DMRTC2: variants seen among roughly 807,000 people sequenced by gnomAD.
DMRTC2 encodes the protein doublesex- and mab-3-related transcription factor C2.
A neutral mutation model predicts 39.9 loss-of-function variants in DMRTC2; 13 were observed. That is an observed-to-expected ratio of 0.33 (90% CI 0.21 to 0.52). The LOEUF (loss-of-function observed/expected upper bound fraction) is 0.52, where lower values mean the gene tolerates loss of function less well. Among genes scored for constraint, DMRTC2 ranks in the 20% least tolerant of loss-of-function variants. DMRTC2 has a pLI of 0.96. For missense variants in DMRTC2, 431 were observed against 472.8 expected (o/e 0.91, Z 0.82); for synonymous variants, 189 against 185.2 (o/e 1.02, Z -0.17).
At chr19:41,845,203 G>T (rs1210788857) in intron 1 of DMRTC2, 102 bp downstream of exon 1, 3 of 151,558 alleles carry the variant, frequency 2.0e-5, no homozygotes, top group Non-Finnish European at 4.4e-5. Context: ...CCTCCCCCTC[G>T]CGCCCCTCCC....
chr19:41,848,465 C>A lies in DMRTC2; in HGVS notation c.384C>A (p.Asn128Lys). Residue 128 changes from asparagine to lysine, a missense_variant, in exon 4 of 9, where the codon AAC (asparagine) becomes AAA (lysine). Coordinates refer to ENST00000269945, the MANE Select transcript of DMRTC2 (RefSeq NM_001040283.3). ...TQPQVPSGKE[N>K]IAPQPQTPHG... ...GGTCCTTCACAGCTGGAAAGGAGAA[C>A]ATAGCACCCCAGCCTCAGACCCCCC... 6.2e-7 allele frequency: 1 copy of A among 1,604,266 alleles called. No individual in the cohort carries two copies. The highest frequency in any genetic ancestry group is 8.5e-7 in the Non-Finnish European group (1 of 1,175,494).
chr19:41,845,355 G>A (rs1361767586), intron 1 of DMRTC2: 1 of 152,288 alleles, frequency 6.6e-6, no homozygotes, highest in African/African-American at 2.4e-5. Context: ...GGAGCAGGAA[G>A]CGCTGGACAC....
intron 4 of DMRTC2, 23 bp from the exon 5 acceptor site, chr19:41,848,772 G>A (rs957572828): frequency 1.9e-6 from 3 of 1,606,574 alleles, no homozygotes; most frequent in African/African-American, 2.7e-5. Context: ...CCCAACTCCA[G>A]CCTGTGCCCT....
In DMRTC2 at chr19:41,851,802, T is replaced by A; in HGVS notation, c.*106T>A. 1 of 1,016,162 alleles carries A rather than the reference T, an allele frequency of 9.8e-7. No homozygotes were observed. The highest frequency in any genetic ancestry group is 1.5e-6 in the Non-Finnish European group (1 of 684,724). The allele number at this position is 1,016,162 out of a possible 1,614,324, so 62.9% of individuals were successfully genotyped here. On this transcript the variant is annotated 3_prime_UTR_variant, in exon 9 of 9. Coordinates refer to ENST00000269945, the MANE Select transcript of DMRTC2 (RefSeq NM_001040283.3). ...GATTTATGCATGGAATTTAATGTAG[T>A]ACAAGCTTCGGGCTTTTTTGTTTGT...
intron 8 of DMRTC2, 189 bp downstream of exon 8, chr19:41,850,889 G>T: frequency 1.8e-6 from 1 of 545,232 alleles, no homozygotes; most frequent in Non-Finnish European, 3.0e-6. Context: ...TTATCAGTTT[G>T]GCACTCGACA....
rs533842344 is a variant in DMRTC2 at position 41,851,818 on chromosome 19, TTTTGTTTG to T, written c.*142_*149del. On this transcript the variant is annotated 3_prime_UTR_variant, in exon 9 of 9. Coordinates refer to ENST00000269945, the MANE Select transcript of DMRTC2 (RefSeq NM_001040283.3). ...TTAATGTAGTACAAGCTTCGGGCTT[TTTTGTTTG>T]TTTGTTTGTTTGTTTGTTTAAGCTT... 1.1e-3 allele frequency: 898 copies of T among 853,442 alleles called. 2 individuals carry two copies. The highest frequency in any genetic ancestry group is 1.1e-3 in the African/African-American group (57 of 50,350). The allele number at this position is 853,442 out of a possible 1,614,324, so 52.9% of individuals were successfully genotyped here. A position where few individuals can be genotyped will look rare whatever the true frequency, so the allele number is the denominator to read the frequency against.
chr19:41,851,665 G>A lies in DMRTC2; in HGVS notation c.1073G>A (p.Gly358Asp). The change falls in exon 9 of 9, where the codon GGC (glycine) becomes GAC (aspartate). Residue 358 changes from glycine to aspartate, a missense_variant. By Grantham distance (94) the Gly-to-Asp change is moderately conservative. Coordinates refer to ENST00000269945, the MANE Select transcript of DMRTC2 (RefSeq NM_001040283.3). ...GCCCCCTCTGTTGCTCTGCATATTG[G>A]CCGTCTGGGGTCCATCTCCCTCCTG... ...SPAPSVALHI[G>D]RLGSISLLS 1 of 1,614,178 alleles carries A rather than the reference G, an allele frequency of 6.2e-7. No homozygotes were observed. The highest frequency in any genetic ancestry group is 8.5e-7 in the Non-Finnish European group (1 of 1,180,030).
Position 41,848,121 on chromosome 19 carries a change from G to T in DMRTC2, c.370+240G>T, listed in dbSNP as rs1008774208. ...CGAGCACTTTGGGAGGCTGAGGCAG[G>T]CAGACCACGAGGTCAAGAGATCGAG... On this transcript the variant is annotated intron_variant, in intron 3 of 8. Transcript: ENST00000269945. Among the ~76,000 whole-genome samples, 4 of 152,326 alleles carry T rather than the reference G, an allele frequency of 2.6e-5. No homozygotes were observed. The East Asian group carries it at 7.7e-4, about 29-fold the overall frequency.
chr19:41,845,660 C>G (rs1038232266), intron 1 of DMRTC2, among the ~76,000 whole-genome samples: 2 of 152,146 alleles, frequency 1.3e-5, no homozygotes, highest in Non-Finnish European at 2.9e-5. Flanking sequence ...AACCCCATCT[C>G]TACTAAAAAT....
Position 41,848,476 on chromosome 19 carries a change from A to C in DMRTC2, c.395A>C (p.Gln132Pro). 1 of 1,605,504 alleles carries C rather than the reference A, an allele frequency of 6.2e-7. No homozygotes were observed. Among genetic ancestry groups the C allele is most frequent in the Non-Finnish European group, 8.5e-7 (1 of 1,176,040 alleles). ...GCTGGAAAGGAGAACATAGCACCCC[A>C]GCCTCAGACCCCCCATGGGGCAGTC... is the stretch of plus-strand genomic sequence containing the variant. ...VPSGKENIAP[Q>P]PQTPHGAVLL... Residue 132 changes from glutamine to proline, a missense_variant, in exon 4 of 9, where the codon CAG (glutamine) becomes CCG (proline). Physicochemically the swap from Gln to Pro is moderately conservative, Grantham distance 76 (BLOSUM62 -1). Coordinates refer to ENST00000269945, the MANE Select transcript of DMRTC2 (RefSeq NM_001040283.3).
chr19:41,851,724 A>G lies in DMRTC2; in HGVS notation c.*28A>G, dbSNP rs782046286. 5 of 1,601,598 alleles carry G rather than the reference A, an allele frequency of 3.1e-6. No individual in the cohort carries two copies. Among genetic ancestry groups the G allele is most frequent in the African/African-American group, 1.3e-5 (1 of 74,754 alleles). Reference sequence around the variant, plus strand: ...ACCCAGAGATGGAGGCTGTCTTGCTATGGCAGGGAGGTGACAGCCTGCTGG... The same window carrying G: ...ACCCAGAGATGGAGGCTGTCTTGCTGTGGCAGGGAGGTGACAGCCTGCTGG... On this transcript the variant is annotated 3_prime_UTR_variant, in exon 9 of 9. Transcript: ENST00000269945.
intron 1 of DMRTC2, among the ~76,000 whole-genome samples, chr19:41,846,471 G>A (rs2073849051): frequency 6.6e-6 from 1 of 152,122 alleles, no homozygotes; most frequent in South Asian, 2.1e-4. Context: ...ACTGTGGGAG[G>A]CCAAGGCAGG....
intron 1 of DMRTC2, among the ~76,000 whole-genome samples, chr19:41,846,012 TAAAA>T (rs11308214): frequency 1.4e-5 from 2 of 144,026 alleles, no homozygotes; most frequent in Admixed American, 6.9e-5. Context: ...ACCCTGTCAA[TAAAA>T]AAAAAAAGAA....
At chr19:41,848,217 A>C (rs971605838) in intron 3 of DMRTC2, among the ~76,000 whole-genome samples, 1 of 152,072 alleles carries the variant, frequency 6.6e-6, no homozygotes, top group Non-Finnish European at 1.5e-5. Context: ...TTGGTGGCGC[A>C]TGCCTGTAGT....
chr19:41,850,497 C>T, intron 7 of DMRTC2, 29 bp from the exon 8 acceptor site: 1 of 1,592,680 alleles, frequency 6.3e-7, no homozygotes, highest in Non-Finnish European at 8.6e-7. Context: ...CGGGGGTTCC[C>T]AGTCTGCTTG....
In DMRTC2 at chr19:41,849,184, G is replaced by T. The variant is rs1555836784; in HGVS notation, c.683G>T (p.Cys228Phe). The change falls in exon 6 of 9, where the codon TGC becomes TTC. Residue 228 changes from cysteine (C) to phenylalanine (F), a missense_variant. Cys to Phe is a radical substitution (Grantham distance 205). Transcript: ENST00000269945. ...CCCACTCATGGGCCCTTCACCACCT[G>T]CCCAGGATCTCACCCAGTACTGACA... ...QLPTHGPFTT[C>F]PGSHPVLTAP... is the part of the protein sequence containing the mutation. 6.2e-7 allele frequency: 1 copy of T among 1,614,154 alleles called. No individual in the cohort carries two copies. The highest frequency in any genetic ancestry group is 1.7e-5 in the Admixed American group (1 of 60,016).
chr19:41,847,924 G>A, intron 3 of DMRTC2, 43 bp downstream of exon 3: 1 of 1,547,368 alleles, frequency 6.5e-7, no homozygotes, highest in East Asian at 2.4e-5. Context: ...TTTGGGTACA[G>A]GAGGCAGGTA....
intron 7 of DMRTC2, 52 bp downstream of exon 7, chr19:41,850,424 GA>G: frequency 6.4e-7 from 1 of 1,565,360 alleles, no homozygotes; most frequent in Non-Finnish European, 8.7e-7. Flanking sequence ...TGAGCCTGGG[GA>G]AGGAAAAAGC....
In DMRTC2 at chr19:41,848,902, C is replaced by A; in HGVS notation, c.555C>A (p.Gly185=). The part of the protein sequence containing the change: ...PWVPGHWLPP[G]FSMPPPVVCR... Reference sequence around the variant, plus strand: ...TCCCTGGACACTGGCTGCCTCCAGGCTTCTCCATGCCACCACCAGTGGTGT... The same window carrying A: ...TCCCTGGACACTGGCTGCCTCCAGGATTCTCCATGCCACCACCAGTGGTGT... The change falls in exon 5 of 9, where the codon GGC becomes GGA. Residue 185 remains glycine, a synonymous_variant. Coordinates refer to ENST00000269945, the MANE Select transcript of DMRTC2 (RefSeq NM_001040283.3). The A allele has an allele frequency of 6.2e-7, 1 of 1,613,676 alleles. No homozygotes were observed.
Sources: gnomAD v4.1 joint callset for allele counts (sites outside exome capture counted in the v4.1 genomes callset) on GRCh38, gnomAD v4.1.1 for gene constraint, MANE v1.5 for transcripts, NCBI Gene and HGNC (gene_info 2026-07-23, HGNC 2026-07-21) for gene names.